The following APOL3 variants were observed in gnomAD, a reference collection of about 807,000 sequenced individuals.
APOL3 encodes TNF-inducible protein CG12-1.
In APOL3, 14 loss-of-function variants were observed where a neutral mutation model predicts 11.6. The observed-to-expected ratio is 1.21, with a 90% confidence interval of 0.80 to 1.89. The LOEUF (loss-of-function observed/expected upper bound fraction) is 1.89. Ranked by LOEUF, APOL3 falls within the 40% of genes most tolerant of loss-of-function variation. APOL3 has a pLI of 0.00. For missense variants in APOL3, 483 were observed against 492.1 expected, an observed-to-expected ratio of 0.98 and a Z score of 0.17; for synonymous variants, 192 against 190.6, an observed-to-expected ratio of 1.01 and a Z score of -0.06.
At chr22:36,150,065 GCCCCCCA>G (rs1260599101) in intron 1 of APOL3, 2 of 369,876 alleles carry the variant, frequency 5.4e-6, no homozygotes, top group Non-Finnish European at 1.1e-5. Context: ...TCCTGCCTGA[GCCCCCCA>G]AAGTCCTGCG....
intron 2 of APOL3, 50 bp from the exon 4 acceptor site, chr22:36,142,108 A>C (rs1002887929): frequency 4.6e-6 from 7 of 1,534,010 alleles, no homozygotes; most frequent in Non-Finnish European, 6.1e-6. Flanking sequence ...ACTTATCTGT[A>C]AAATCAGCTC....
chr22:36,148,850 G>A (rs2060317596), intron 1 of APOL3, among the ~76,000 whole-genome samples, 196 bp downstream of exon 2: 2 of 152,228 alleles, frequency 1.3e-5, no homozygotes, highest in South Asian at 4.1e-4. Flanking sequence ...CTCCCCTGAG[G>A]AGAGGTCAGG....
chr22:36,160,629 G>C (rs1459645016), intron 1 of APOL3, 40 bp downstream of exon 1: 1 of 1,597,574 alleles, frequency 6.3e-7, no homozygotes, highest in Non-Finnish European at 8.6e-7. Context: ...GCTGCTGTGA[G>C]GATGGGGAGA....
chr22:36,162,833 C>T (rs1401464130), upstream of APOL3, among the ~76,000 whole-genome samples: 1 of 152,176 alleles, frequency 6.6e-6, no homozygotes, highest in Non-Finnish European at 1.5e-5. Context: ...GGATGATTTA[C>T]GTTCAGCATG....
At chr22:36,141,806 C>T (rs1182979876) in exon 3 of APOL3, 1 of 1,614,224 alleles carries the variant, frequency 6.2e-7, no homozygotes, top group Admixed American at 1.7e-5. Context: ...CAGCAAGGGA[C>T]ATGATGCCAG....
intron 1 of APOL3, among the ~76,000 whole-genome samples, chr22:36,158,589 G>A (rs1569529901): frequency 6.6e-6 from 1 of 152,308 alleles, no homozygotes; most frequent in Non-Finnish European, 1.5e-5. Flanking sequence ...GGTGGCGGAG[G>A]TGGGTGGATC....
chr22:36,141,114 C>G, exon 3 of APOL3: 2 of 1,529,592 alleles, frequency 1.3e-6, no homozygotes, highest in Non-Finnish European at 1.8e-6. Context: ...CTTTACCTTG[C>G]CCTCTTTATC....
chr22:36,164,987 T>A (rs1269858127), upstream of APOL3: 1 of 152,204 alleles, frequency 6.6e-6, no homozygotes, highest in Non-Finnish European at 1.5e-5. Flanking sequence ...TGTCTTAACA[T>A]GACAAATCAC....
intron 2 of APOL3, among the ~76,000 whole-genome samples, chr22:36,144,378 C>T (rs1435276701): frequency 6.6e-6 from 1 of 152,078 alleles, no homozygotes; most frequent in Non-Finnish European, 1.5e-5. Context: ...CTACTTGGTT[C>T]CCCACCTCTG....
At chr22:36,149,233 G>C in intron 1 of APOL3, 91 bp from the exon 2 acceptor site, 6 of 1,307,222 alleles carry the variant, frequency 4.6e-6, no homozygotes, top group South Asian at 1.2e-5. Flanking sequence ...CAATCCCTTT[G>C]CGTGTCAGCA....
chr22:36,160,007 A>C (rs2013528546), intron 1 of APOL3, among the ~76,000 whole-genome samples: 1 of 151,850 alleles, frequency 6.6e-6, no homozygotes, highest in South Asian at 2.1e-4. Context: ...TCAGCCTCCC[A>C]AGTAGCTGGG....
At chr22:36,151,684 G>A (rs966094655) in intron 1 of APOL3, among the ~76,000 whole-genome samples, 10 of 152,196 alleles carry the variant, frequency 6.6e-5, no homozygotes, top group African/African-American at 2.4e-4. Context: ...TCTGAGCATG[G>A]TGGCTCATGC....
chr22:36,156,832 C>G, intron 1 of APOL3: 1 of 419,968 alleles, frequency 2.4e-6, no homozygotes, highest in Non-Finnish European at 4.8e-6. Context: ...AGCTGCATCC[C>G]CTATGACTGA....
At chr22:36,145,020 A>G (rs886605945) in intron 2 of APOL3, among the ~76,000 whole-genome samples, 6 of 98,792 alleles carry the variant, frequency 6.1e-5, no homozygotes, top group African/African-American at 1.8e-4. Context: ...AAAAAAAAAA[A>G]AAAAAGAAAA....
chr22:36,149,270 T>A (rs1347671062), intron 1 of APOL3, 128 bp from the exon 2 acceptor site: 1 of 1,305,150 alleles, frequency 7.7e-7, no homozygotes, highest in East Asian at 5.5e-5. Flanking sequence ...TAGCCCGGTG[T>A]TTTTTAATCT....
At chr22:36,149,426 A>G in intron 1 of APOL3, 1 of 1,279,672 alleles carries the variant, frequency 7.8e-7, no homozygotes, top group Non-Finnish European at 1.0e-6. Context: ...TCTGATAATC[A>G]CAGAAACTAC....
At chr22:36,151,117 C>T (rs1445949017) in intron 1 of APOL3, among the ~76,000 whole-genome samples, 1 of 151,682 alleles carries the variant, frequency 6.6e-6, no homozygotes, top group Non-Finnish European at 1.5e-5. Context: ...TTCACAGTAG[C>T]CGTGAGTCTA....
intron 1 of APOL3, among the ~76,000 whole-genome samples, chr22:36,155,427 C>T (rs1185055504): frequency 1.3e-5 from 2 of 152,192 alleles, no homozygotes; most frequent in Non-Finnish European, 2.9e-5. Context: ...TTCCTATTTC[C>T]TGCCTCTGTC....
chr22:36,141,200 T>TC lies in APOL3; in HGVS notation c.1208dup (p.Ter403TrpfsTer12), dbSNP rs746403965. On this transcript the variant is annotated frameshift_variant and stop_lost, in exon 3 of 3. Coordinates refer to ENST00000349314, the Ensembl canonical transcript of APOL3. LOFTEE classifies it high-confidence loss of function. ...CCCTGCTGGCTGCACTGGTCTGGGG[T>TC]CAGTGGGTATGGCATGGATTCAGAC... 6 of 1,611,306 alleles carry TC rather than the reference T, an allele frequency of 3.7e-6. No homozygotes were observed. The African/African-American group carries it at 8.0e-5, about 22-fold the overall frequency.
Sources: allele counts gnomAD v4.1 joint callset (sites outside exome capture counted in the v4.1 genomes callset), GRCh38; gene constraint gnomAD v4.1.1; transcripts MANE v1.5; gene names NCBI Gene and HGNC (gene_info 2026-07-23, HGNC 2026-07-21).